Variants in VTI1A observed in about 807,000 individuals in gnomAD.
VTI1A encodes the protein vesicle transport through interaction with t-SNAREs 1A.
VTI1A carries 22 observed loss-of-function variants against 34.9 expected under a neutral mutation model. The ratio of observed to expected loss-of-function variants is 0.63; its 90% confidence interval spans 0.45 to 0.90. VTI1A has a LOEUF of 0.90. Ranked by LOEUF, VTI1A falls within the 40% of genes least tolerant of loss-of-function variation. The pLI, the probability that VTI1A is intolerant of heterozygous loss-of-function variation, is 0.00. For missense variants in VTI1A, 268 were observed against 275.6 expected (o/e 0.97, Z 0.20); for synonymous variants, 87 against 97.3 (o/e 0.89, Z 0.62).
intron 7 of VTI1A, among the ~76,000 whole-genome samples, chr10:112,781,998 T>C (rs988955174): frequency 1.6e-4 from 24 of 152,178 alleles, no homozygotes; most frequent in Admixed American, 6.5e-4. Flanking sequence ...AGCATCTCCT[T>C]TCCTAGAAGA....
intron 7 of VTI1A, among the ~76,000 whole-genome samples, chr10:112,723,821 A>G (rs1444072669): frequency 6.6e-6 from 1 of 152,260 alleles, no homozygotes; most frequent in Non-Finnish European, 1.5e-5. Flanking sequence ...CTGAGAGTAC[A>G]GTAGCAATAG....
At chr10:112,652,100 A>G (rs1442120074) in intron 5 of VTI1A, among the ~76,000 whole-genome samples, 2 of 152,218 alleles carry the variant, frequency 1.3e-5, no homozygotes, top group Non-Finnish European at 2.9e-5. Context: ...CAAACAAAAA[A>G]CAACTCTTTG....
chr10:112,747,631 A>G (rs1850944726), intron 7 of VTI1A, among the ~76,000 whole-genome samples: 1 of 152,232 alleles, frequency 6.6e-6, no homozygotes, highest in Admixed American at 6.5e-5. Flanking sequence ...AAACATAAGA[A>G]TATTGGTAAG....
At chr10:112,704,969 G>T (rs970203315) in intron 7 of VTI1A, among the ~76,000 whole-genome samples, 1 of 152,066 alleles carries the variant, frequency 6.6e-6, no homozygotes, top group Non-Finnish European at 1.5e-5. Flanking sequence ...GCTCACTGCA[G>T]CCTGCAATTC....
At chr10:112,456,147 G>A (rs1232865936) in intron 1 of VTI1A, among the ~76,000 whole-genome samples, 10 of 152,156 alleles carry the variant, frequency 6.6e-5, no homozygotes, top group Non-Finnish European at 1.2e-4. Flanking sequence ...CAGGCCAGGT[G>A]CAGTGGCTCA....
chr10:112,569,616 T>C (rs528974705), intron 5 of VTI1A, among the ~76,000 whole-genome samples: 1 of 152,238 alleles, frequency 6.6e-6, no homozygotes, highest in Admixed American at 6.5e-5. Flanking sequence ...TGTACATTAG[T>C]GAGGACTGAC....
chr10:112,768,444 C>T (rs991499780), intron 7 of VTI1A, among the ~76,000 whole-genome samples: 1 of 152,188 alleles, frequency 6.6e-6, no homozygotes, highest in African/African-American at 2.4e-5. Flanking sequence ...CCTGGAGCAA[C>T]TGCTGCGGTC....
intron 7 of VTI1A, 27 bp downstream of exon 7, chr10:112,669,025 T>C: frequency 6.2e-7 from 1 of 1,608,270 alleles, no homozygotes; most frequent in East Asian, 2.2e-5. Context: ...GACATATCTT[T>C]CTCTCTGTGT....
chr10:112,549,190 A>G lies in VTI1A; in HGVS notation c.427+10860A>G, dbSNP rs561059089. On this transcript the variant is annotated intron_variant, in intron 5 of 7. Transcript: ENST00000393077. Reference sequence around the variant, plus strand: ...GTTCCTTTCCCTCAGAGCTGTTATCAATTAAGGTAGAAGAATAAATTTCTG... The same window carrying G: ...GTTCCTTTCCCTCAGAGCTGTTATCGATTAAGGTAGAAGAATAAATTTCTG... 2.6e-5 allele frequency among the ~76,000 whole-genome samples: 4 copies of G among 152,366 alleles called. No individual in the cohort carries two copies. The South Asian group carries it at 8.3e-4, about 32-fold the overall frequency.
chr10:112,470,670 A>C (rs1848044221), intron 3 of VTI1A, among the ~76,000 whole-genome samples: 1 of 152,080 alleles, frequency 6.6e-6, no homozygotes, highest in African/African-American at 2.4e-5. Flanking sequence ...TGAAGTCAGG[A>C]GTTCACATAC....
chr10:112,629,164 A>T (rs966356132), intron 5 of VTI1A, among the ~76,000 whole-genome samples: 18 of 152,232 alleles, frequency 1.2e-4, no homozygotes, highest in African/African-American at 4.1e-4. Context: ...GAGGCCTCAG[A>T]CACTTGTCCA....
At position 112,506,886 on chromosome 10, in the gene VTI1A, T is replaced by C. The variant is rs367928655; in HGVS notation, c.265-20201T>C. On this transcript the variant is annotated intron_variant, in intron 3 of 7. Coordinates refer to ENST00000393077, the MANE Select transcript of VTI1A (RefSeq NM_145206.4). ...AATGATATATTCACTGGATATTGAA[T>C]TTTAGTTTGACAATTTCTTTGTCTT... 4.6e-5 allele frequency among the ~76,000 whole-genome samples: 7 copies of C among 152,226 alleles called. No homozygotes were observed. In the East Asian group the frequency reaches 1.2e-3, roughly 25 times the overall value.
At chr10:112,522,975 T>G (rs1850082886) in intron 3 of VTI1A, among the ~76,000 whole-genome samples, 1 of 152,118 alleles carries the variant, frequency 6.6e-6, no homozygotes, top group African/African-American at 2.4e-5. Flanking sequence ...TAAACCAACT[T>G]CATTGTTATG....
chr10:112,601,092 CCAGTTGCTAGCATTA>C (rs1844858310), intron 5 of VTI1A, among the ~76,000 whole-genome samples: 1 of 152,076 alleles, frequency 6.6e-6, no homozygotes, highest in South Asian at 2.1e-4. Flanking sequence ...AGCACTGTAT[CCAGTTGCTAGCATTA>C]GGGAAACCTT....
chr10:112,637,236 T>C (rs138392944), intron 5 of VTI1A, among the ~76,000 whole-genome samples: 195 of 152,344 alleles, frequency 1.3e-3, no homozygotes, highest in Non-Finnish European at 2.3e-3. Context: ...GTTTATTCAT[T>C]GAAGGGTGTG....
intron 7 of VTI1A, among the ~76,000 whole-genome samples, chr10:112,802,834 T>TG (rs1852922549): frequency 6.6e-6 from 1 of 152,196 alleles, no homozygotes; most frequent in Admixed American, 6.5e-5. Context: ...AGAAGGACAC[T>TG]GGGGAAAAAC....
chr10:112,627,440 T>C (rs898928437), intron 5 of VTI1A, among the ~76,000 whole-genome samples: 2 of 152,272 alleles, frequency 1.3e-5, no homozygotes, highest in South Asian at 2.1e-4. Context: ...AATTCATCTT[T>C]ATTACAAATT....
chr10:112,561,838 G>C (rs983998018), intron 5 of VTI1A, among the ~76,000 whole-genome samples: 2 of 151,822 alleles, frequency 1.3e-5, no homozygotes, highest in African/African-American at 2.4e-5. Flanking sequence ...CAAACTAAAG[G>C]CTGTTGTATT....
At chr10:112,781,432 C>T (rs1382968411) in intron 7 of VTI1A, among the ~76,000 whole-genome samples, 2 of 152,194 alleles carry the variant, frequency 1.3e-5, no homozygotes, top group African/African-American at 2.4e-5. Flanking sequence ...CAGGCGGCCC[C>T]CAGTCATTGA....
Sources: gnomAD v4.1 joint callset for allele counts (sites outside exome capture counted in the v4.1 genomes callset) on GRCh38, gnomAD v4.1.1 for gene constraint, MANE v1.5 for transcripts, NCBI Gene and HGNC (gene_info 2026-07-23, HGNC 2026-07-21) for gene names.